The following ZNF248 variants were observed in gnomAD, a reference collection of about 807,000 sequenced individuals.
ZNF248 encodes KRAB protein domain.
A neutral mutation model predicts 44.3 loss-of-function variants in ZNF248; 20 were observed. That is an observed-to-expected ratio of 0.45 (90% confidence interval 0.32 to 0.66). The LOEUF (loss-of-function observed/expected upper bound fraction) is 0.66, where lower values mean the gene tolerates loss of function less well. Ranked by LOEUF, ZNF248 falls within the 30% of genes least tolerant of loss-of-function variation. The pLI is 0.04. For missense variants in ZNF248, 654 were observed against 677.0 expected (o/e 0.97, Z 0.38); for synonymous variants, 224 against 229.0 (o/e 0.98, Z 0.20).
At chr10:37,810,285 A>C (rs114901379) in intron 6 of ZNF248, among the ~76,000 whole-genome samples, 257 of 152,344 alleles carry the variant, frequency 1.7e-3, no homozygotes, top group African/African-American at 5.7e-3. Flanking sequence ...GTTTCCAACT[A>C]TTATAGTAGA....
In ZNF248 at chr10:37,830,023, G is replaced by A; in HGVS notation, c.*1592C>T. ...AACTGCTGACCAATGTGTTCCAAGG[G>A]GGCAAAAGAAACAACAGGACAAGGG... On this transcript the variant is annotated 3_prime_UTR_variant, in exon 6 of 6. Transcript: ENST00000395867. 5 of 985,282 alleles carry A rather than the reference G, an allele frequency of 5.1e-6. No individual in the cohort carries two copies. The highest frequency in any genetic ancestry group is 6.0e-6 in the Non-Finnish European group (5 of 829,922). 61.0% of individuals were successfully genotyped at this position (985,282 alleles called of 1,614,324 possible).
At chr10:37,786,644 G>A (rs1026262627) in intron 6 of ZNF248, among the ~76,000 whole-genome samples, 7 of 152,064 alleles carry the variant, frequency 4.6e-5, no homozygotes, top group African/African-American at 1.7e-4. Context: ...GATCAGTTTA[G>A]TTTTTTAAAC....
intron 3 of ZNF248, among the ~76,000 whole-genome samples, chr10:37,849,674 G>A (rs570967080): frequency 1.3e-5 from 2 of 151,308 alleles, no homozygotes; most frequent in East Asian, 2.0e-4. Context: ...GCAACAGAAT[G>A]AGACTGTCTC....
chr10:37,845,909 A>T (rs1288373133), intron 3 of ZNF248, among the ~76,000 whole-genome samples: 2 of 152,228 alleles, frequency 1.3e-5, no homozygotes, highest in African/African-American at 4.8e-5. Flanking sequence ...TAAAATACCA[A>T]GTCTCAGGAT....
downstream of ZNF248, among the ~76,000 whole-genome samples, chr10:37,826,478 C>T (rs1216556227): frequency 1.3e-5 from 2 of 152,202 alleles, no homozygotes; most frequent in Admixed American, 6.5e-5. Context: ...TAGCATCTGA[C>T]TGTTCTTCTA....
the ZNF248 span, among the ~76,000 whole-genome samples, chr10:37,764,156 A>G: frequency 6.6e-6 from 1 of 152,198 alleles, no homozygotes; most frequent in African/African-American, 2.4e-5. Flanking sequence ...TTTTCTCAGC[A>G]AGGAACAGCC....
intron 3 of ZNF248, among the ~76,000 whole-genome samples, chr10:37,851,576 C>A (rs1212661118): frequency 6.6e-6 from 1 of 151,762 alleles, no homozygotes; most frequent in Non-Finnish European, 1.5e-5. Flanking sequence ...TGTTAATAAA[C>A]TTGCTTTTCT....
intron 6 of ZNF248, chr10:37,820,418 T>C: frequency 1.9e-6 from 3 of 1,541,560 alleles, no homozygotes; most frequent in Admixed American, 1.7e-5. Flanking sequence ...CAGAGCAGAC[T>C]GCTCCTCCGT....
At chr10:37,852,741 A>G (rs1333018074) in intron 3 of ZNF248, among the ~76,000 whole-genome samples, 1 of 149,954 alleles carries the variant, frequency 6.7e-6, no homozygotes, top group African/African-American at 2.4e-5. Flanking sequence ...ATGTAATTAT[A>G]TATTTCATAT....
chr10:37,806,212 GATAT>G (rs756983292), intron 6 of ZNF248, among the ~76,000 whole-genome samples: 29 of 152,204 alleles, frequency 1.9e-4, no homozygotes, highest in Admixed American at 9.2e-4. Flanking sequence ...AATTATTTTG[GATAT>G]ATACTCAGAA....
the ZNF248 span, among the ~76,000 whole-genome samples, chr10:37,761,237 G>A: frequency 6.6e-6 from 1 of 152,218 alleles, no homozygotes; most frequent in East Asian, 1.9e-4. Flanking sequence ...TAAATGTTGA[G>A]CCAGAAGGAT....
chr10:37,852,285 A>G (rs1416183349), intron 3 of ZNF248, among the ~76,000 whole-genome samples: 1 of 151,958 alleles, frequency 6.6e-6, no homozygotes, highest in East Asian at 1.9e-4. Context: ...ACCATGGACC[A>G]CTACTTAATA....
the ZNF248 span, among the ~76,000 whole-genome samples, chr10:37,766,634 T>A: frequency 4.6e-5 from 7 of 152,052 alleles, no homozygotes; most frequent in Non-Finnish European, 1.0e-4. Context: ...TATGTCACCA[T>A]CATCAAAGAC....
intron 3 of ZNF248, among the ~76,000 whole-genome samples, chr10:37,854,883 G>C (rs2060999356): frequency 6.6e-6 from 1 of 152,174 alleles, no homozygotes; most frequent in Non-Finnish European, 1.5e-5. Context: ...AGTGAAAAAG[G>C]AATAATGGAA....
chr10:37,832,284 A>G lies in ZNF248; in HGVS notation c.1071T>C (p.Asn357=). ...GTGACTTCTTGCTGAAATTACTCCCATTTTCATTGTAATCATAAGACTTTC... is the reference window on the plus strand; with the variant it reads ...GTGACTTCTTGCTGAAATTACTCCCGTTTTCATTGTAATCATAAGACTTTC... ...MGGKSYDYNE[N]GSNFSKKSHL... is the part of the protein sequence containing the mutation. Residue 357 remains asparagine (N), a synonymous_variant, in exon 6 of 6, where the codon AAT becomes AAC. Transcript: ENST00000395867. The G allele has an allele frequency of 1.2e-6, 2 of 1,613,804 alleles. No homozygotes were observed. Among genetic ancestry groups the G allele is most frequent in the East Asian group, 2.2e-5 (1 of 44,852 alleles).
At chr10:37,776,644 C>G in intron 6 of ZNF248, 3 of 395,560 alleles carry the variant, frequency 7.6e-6, no homozygotes, top group Non-Finnish European at 1.3e-5. Flanking sequence ...ACTTCCTTGT[C>G]TAAACTCTGA....
At position 37,849,351 on chromosome 10, in the gene ZNF248, G is replaced by C. The variant is rs182098378; in HGVS notation, c.15+6945C>G. ...AGAAATTTAAAAACATGGTTAAATT[G>C]TAAGATTTTCACAAATGGTGAAAAA... is the stretch of plus-strand genomic sequence containing the variant. On this transcript the variant is annotated intron_variant, in intron 3 of 5. Coordinates refer to ENST00000395867, the MANE Select transcript of ZNF248 (RefSeq NM_021045.3). Among the ~76,000 whole-genome samples the C allele has an allele frequency of 1.8e-3, 275 of 151,826 alleles. 1 individual carries two copies. The highest frequency in any genetic ancestry group is 5.9e-3 in the African/African-American group (246 of 41,430).
At chr10:37,839,911 C>A (rs1443642582) in intron 3 of ZNF248, among the ~76,000 whole-genome samples, 2 of 152,198 alleles carry the variant, frequency 1.3e-5, no homozygotes, top group Non-Finnish European at 2.9e-5. Context: ...CATTCACCAA[C>A]ACAGAACATA....
At chr10:37,795,919 G>A (rs916403155) in intron 6 of ZNF248, 1 of 151,996 alleles carries the variant, frequency 6.6e-6, no homozygotes, top group African/African-American at 2.4e-5. Context: ...TGGGTTGCTG[G>A]TGTTGAATAT....
Sources: allele counts gnomAD v4.1 joint callset (sites outside exome capture counted in the v4.1 genomes callset), GRCh38; gene constraint gnomAD v4.1.1; transcripts MANE v1.5; gene names NCBI Gene and HGNC (gene_info 2026-07-23, HGNC 2026-07-21).